Variants in NRG3 observed in about 807,000 individuals in gnomAD.
The protein encoded by NRG3 is neuregulin 3.
Under a neutral mutation model 66.9 loss-of-function variants are expected in NRG3, and 31 were observed. The ratio of observed to expected loss-of-function variants is 0.46; its 90% CI spans 0.35 to 0.63. The LOEUF (loss-of-function observed/expected upper bound fraction) is 0.63. Among genes scored for constraint, NRG3 ranks in the 20% least tolerant of loss-of-function variants. NRG3 has a pLI of 0.00. For missense variants in NRG3, 910 were observed against 878.9 expected (o/e 1.04, Z -0.45); for synonymous variants, 393 against 359.4 (o/e 1.09, Z -1.06).
chr10:82,901,686 G>A (rs2131884582), intron 4 of NRG3, among the ~76,000 whole-genome samples: 1 of 152,310 alleles, frequency 6.6e-6, no homozygotes, highest in South Asian at 2.1e-4. Context: ...CACCAGCAGT[G>A]ATTAGAACAC....
intron 1 of NRG3, among the ~76,000 whole-genome samples, chr10:82,125,673 A>C (rs1157072293): frequency 1.3e-5 from 2 of 151,928 alleles, no homozygotes; most frequent in Non-Finnish European, 2.9e-5. Context: ...TGCTTTCTCC[A>C]AAATATTGAA....
At chr10:82,704,875 G>T (rs1229969586) in intron 2 of NRG3, among the ~76,000 whole-genome samples, 1 of 152,144 alleles carries the variant, frequency 6.6e-6, no homozygotes, top group Non-Finnish European at 1.5e-5. Flanking sequence ...TTTTATAGTT[G>T]TTTAAAATCT....
At chr10:82,361,216 G>A (rs1264060479) in intron 2 of NRG3, among the ~76,000 whole-genome samples, 2 of 152,176 alleles carry the variant, frequency 1.3e-5, no homozygotes, top group South Asian at 2.1e-4. Flanking sequence ...GTGAAATGAT[G>A]TACATATTTA....
chr10:82,095,357 C>T (rs185286933), intron 1 of NRG3, among the ~76,000 whole-genome samples: 1 of 151,708 alleles, frequency 6.6e-6, no homozygotes, highest in Non-Finnish European at 1.5e-5. Context: ...GGGAGCTTGA[C>T]TGCAATATTC....
chr10:82,129,430 T>A lies in NRG3; in HGVS notation c.824-229309T>A, dbSNP rs185544674. Among the ~76,000 whole-genome samples the A allele has an allele frequency of 2.9e-3, 440 of 152,264 alleles. 1 individual carries two copies. Among genetic ancestry groups the A allele is most frequent in the Admixed American group, 4.4e-3 (67 of 15,298 alleles). ...CCTTGTTTTAATTCTTATGGGTACATAGTTGGTGTATGTATGTATGAGGAC... is the reference window on the plus strand; with the variant it reads ...CCTTGTTTTAATTCTTATGGGTACAAAGTTGGTGTATGTATGTATGAGGAC... On this transcript the variant is annotated intron_variant, in intron 1 of 8. Transcript: ENST00000372141.
chr10:82,188,094 G>A (rs1320050014), intron 1 of NRG3, among the ~76,000 whole-genome samples: 3 of 152,024 alleles, frequency 2.0e-5, no homozygotes, highest in Non-Finnish European at 4.4e-5. Flanking sequence ...AAACAGCATG[G>A]TACTGGCATA....
intron 1 of NRG3, among the ~76,000 whole-genome samples, chr10:82,061,541 C>T (rs995105465): frequency 3.9e-5 from 6 of 152,132 alleles, no homozygotes; most frequent in Non-Finnish European, 7.4e-5. Context: ...CTACCTCCAG[C>T]TCCCGTGCTG....
intron 2 of NRG3, among the ~76,000 whole-genome samples, chr10:82,710,972 A>G (rs1035067101): frequency 6.6e-6 from 1 of 152,120 alleles, no homozygotes; most frequent in East Asian, 1.9e-4. Flanking sequence ...TTATGTTGCT[A>G]TGTTTCACAG....
intron 1 of NRG3, among the ~76,000 whole-genome samples, chr10:82,168,178 T>C (rs1198150070): frequency 6.6e-6 from 1 of 152,184 alleles, no homozygotes; most frequent in Admixed American, 6.5e-5. Flanking sequence ...GTCTTCTTTC[T>C]ATGGTAGTAC....
At chr10:82,232,942 G>T in intron 1 of NRG3, 2 of 669,230 alleles carry the variant, frequency 3.0e-6, no homozygotes, top group South Asian at 3.4e-5. Flanking sequence ...GTGTTCTCTA[G>T]TTGCCTGGTA....
intron 2 of NRG3, among the ~76,000 whole-genome samples, chr10:82,703,987 G>A (rs2134317994): frequency 6.6e-6 from 1 of 152,028 alleles, no homozygotes; most frequent in Non-Finnish European, 1.5e-5. Flanking sequence ...TTAAACGAAT[G>A]CCAAGACTTT....
At chr10:82,503,026 G>A (rs1048941260) in intron 2 of NRG3, among the ~76,000 whole-genome samples, 2 of 152,074 alleles carry the variant, frequency 1.3e-5, no homozygotes, top group African/African-American at 4.8e-5. Context: ...TATTTCTGGA[G>A]TTATTAAACG....
intron 1 of NRG3, among the ~76,000 whole-genome samples, chr10:82,027,765 G>C (rs1472606717): frequency 3.9e-5 from 6 of 152,080 alleles, no homozygotes; most frequent in African/African-American, 1.4e-4. Flanking sequence ...TCTCTCTTCA[G>C]TGTGGGATTC....
intron 1 of NRG3, among the ~76,000 whole-genome samples, chr10:82,217,524 T>G (rs9420912): frequency 0.11 from 16,860 of 152,230 alleles, 1,050 homozygotes; most frequent in Middle Eastern, 0.18. Context: ...CCCTAGCTTC[T>G]GTCTTGGGCA....
chr10:82,116,964 C>G (rs1286345012), intron 1 of NRG3, among the ~76,000 whole-genome samples: 2 of 152,092 alleles, frequency 1.3e-5, no homozygotes, highest in East Asian at 3.9e-4. Context: ...CTGCAACCCA[C>G]TCTCTTTCTA....
At chr10:82,458,957 C>T (rs2091393261) in intron 2 of NRG3, among the ~76,000 whole-genome samples, 1 of 152,130 alleles carries the variant, frequency 6.6e-6, no homozygotes, top group African/African-American at 2.4e-5. Flanking sequence ...AGGTCATCAG[C>T]CTCCTGCATT....
intron 2 of NRG3, among the ~76,000 whole-genome samples, chr10:82,429,163 A>G (rs2089637049): frequency 6.6e-6 from 1 of 152,028 alleles, no homozygotes; most frequent in Admixed American, 6.6e-5. Context: ...CATTTTTTAC[A>G]TTATAAGTCA....
intron 1 of NRG3, among the ~76,000 whole-genome samples, chr10:82,349,544 T>C (rs2083270742): frequency 6.6e-6 from 1 of 151,908 alleles, no homozygotes. Context: ...CCCTCAGAGG[T>C]GGAGCCTACA....
At chr10:82,860,048 G>T (rs566235653) in intron 3 of NRG3, among the ~76,000 whole-genome samples, 1 of 152,076 alleles carries the variant, frequency 6.6e-6, no homozygotes, top group Non-Finnish European at 1.5e-5. Flanking sequence ...AAGATCATTT[G>T]GTTCAATGTT....
Sources: allele counts gnomAD v4.1 joint callset (sites outside exome capture counted in the v4.1 genomes callset), GRCh38; gene constraint gnomAD v4.1.1; transcripts MANE v1.5; gene names NCBI Gene and HGNC (gene_info 2026-07-23, HGNC 2026-07-21).